OSMR: variants seen among roughly 807,000 people sequenced by gnomAD.
OSMR encodes the protein oncostatin-M-specific receptor subunit beta.
Under a neutral mutation model 99.9 loss-of-function variants are expected in OSMR, and 81 were observed. The observed-to-expected ratio is 0.81, with a 90% CI of 0.68 to 0.97. OSMR has a LOEUF of 0.97. OSMR is among the 50% of genes least tolerant of loss of function. The probability of loss-of-function intolerance (pLI) is 0.00; values close to 1 mark genes in which losing one functional copy is unlikely to be tolerated. For synonymous variants in OSMR, 406 were observed against 410.4 expected, an observed-to-expected ratio of 0.99 and a Z score of 0.13; for missense variants, 1,099 against 1,153.4, an observed-to-expected ratio of 0.95 and a Z score of 0.68.
At chr5:38,886,334 C>A in intron 7 of OSMR, 144 bp downstream of exon 7, 1 of 1,497,896 alleles carries the variant, frequency 6.7e-7, no homozygotes, top group Non-Finnish European at 8.9e-7. Context: ...GTTCATGCCA[C>A]GTTTCTCCTC....
chr5:38,866,584 A>G (rs970262229), intron 1 of OSMR, among the ~76,000 whole-genome samples: 1 of 152,174 alleles, frequency 6.6e-6, no homozygotes, highest in Non-Finnish European at 1.5e-5. Flanking sequence ...CAGCATTACA[A>G]CACCACAGCC....
chr5:38,865,499 T>C (rs921169716), intron 1 of OSMR, among the ~76,000 whole-genome samples: 2 of 152,256 alleles, frequency 1.3e-5, no homozygotes, highest in Non-Finnish European at 2.9e-5. Flanking sequence ...ATGATATATT[T>C]GGCTGTAATC....
intron 8 of OSMR, 50 bp downstream of exon 8, chr5:38,904,074 G>A (rs1249717553): frequency 1.2e-6 from 2 of 1,605,762 alleles, no homozygotes; most frequent in Non-Finnish European, 1.7e-6. Flanking sequence ...TTTTTGTCCT[G>A]AACAGAGACA....
chr5:38,900,897 A>G (rs1744847247), intron 7 of OSMR, among the ~76,000 whole-genome samples: 1 of 152,012 alleles, frequency 6.6e-6, no homozygotes, highest in Non-Finnish European at 1.5e-5. Flanking sequence ...CATTTTCAGG[A>G]TTTTGTTTTT....
At chr5:38,892,361 G>A (rs1438757295) in intron 7 of OSMR, among the ~76,000 whole-genome samples, 1 of 152,052 alleles carries the variant, frequency 6.6e-6, no homozygotes, top group Non-Finnish European at 1.5e-5. Flanking sequence ...TAGTTTGGCT[G>A]GAGACCTGGT....
chr5:38,945,455 A>G (rs1276885315), downstream of OSMR: 2 of 1,389,598 alleles, frequency 1.4e-6, no homozygotes, highest in Non-Finnish European at 2.0e-6. Context: ...TTTAGTCATC[A>G]CTAGGTTTTT....
chr5:38,876,402 A>G, intron 3 of OSMR, 29 bp downstream of exon 3: 1 of 1,589,588 alleles, frequency 6.3e-7, no homozygotes, highest in Middle Eastern at 1.7e-4. Flanking sequence ...TCAATATTTA[A>G]AAAATCATCT....
intron 2 of OSMR, among the ~76,000 whole-genome samples, chr5:38,873,751 C>CT (rs1251302153): frequency 1.3e-5 from 2 of 152,166 alleles, no homozygotes; most frequent in African/African-American, 4.8e-5. Context: ...TATTGAACAT[C>CT]TTTTCATGTG....
chr5:38,862,983 G>A (rs541820047), intron 1 of OSMR, among the ~76,000 whole-genome samples: 10 of 152,036 alleles, frequency 6.6e-5, no homozygotes, highest in Non-Finnish European at 1.0e-4. Context: ...CCAACACAGC[G>A]AAACCCTGTC....
rs1210934799 is a variant in OSMR at position 38,869,210 on chromosome 5, C to A, written c.73+93C>A. 4 of 960,878 alleles carry A rather than the reference C, an allele frequency of 4.2e-6. No individual in the cohort carries two copies. The African/African-American group carries it at 6.4e-5, about 15-fold the overall frequency. The allele number at this position is 960,878 out of a possible 1,614,324, so 59.5% of individuals were successfully genotyped here. A position where few individuals can be genotyped will look rare whatever the true frequency, so the allele number is the denominator to read the frequency against. On this transcript the variant is annotated intron_variant, in intron 2 of 17. Coordinates refer to ENST00000274276, the MANE Select transcript of OSMR (RefSeq NM_003999.3). ...GGAAAAAGTTAAACAGTTCTTTTTT[C>A]TTTGGGAATTACTTAAAATTCCTGA...
intron 9 of OSMR, among the ~76,000 whole-genome samples, chr5:38,915,292 A>G (rs1324612352): frequency 6.6e-6 from 1 of 152,228 alleles, no homozygotes; most frequent in East Asian, 1.9e-4. Context: ...CAGCACTGGG[A>G]TATGTATTTT....
At chr5:38,857,588 GTAAT>G (rs1042884052) in intron 1 of OSMR, among the ~76,000 whole-genome samples, 3 of 152,130 alleles carry the variant, frequency 2.0e-5, no homozygotes, top group African/African-American at 7.2e-5. Context: ...ACTGATCAAA[GTAAT>G]TAGCATATTC....
rs1010972 is a variant in OSMR, at chr5:38,919,936, A to G, written c.1585+874A>G. 7.2e-3 allele frequency among the ~76,000 whole-genome samples: 1,096 copies of G among 152,342 alleles called. 16 individuals are homozygous for G. The highest frequency in any genetic ancestry group is 0.025 in the African/African-American group (1,046 of 41,576). On this transcript the variant is annotated intron_variant, in intron 11 of 17. Coordinates refer to ENST00000274276, the MANE Select transcript of OSMR (RefSeq NM_003999.3). ...AGGAAAAGAAACTATATTGTGCCAT[A>G]GAAGAAAAACCAACCTAAGTTGGTT...
At chr5:38,892,194 C>T (rs1461836863) in intron 7 of OSMR, among the ~76,000 whole-genome samples, 3 of 152,174 alleles carry the variant, frequency 2.0e-5, no homozygotes, top group Non-Finnish European at 4.4e-5. Flanking sequence ...AGAAATCCTG[C>T]CCTCCCTGGT....
At chr5:38,859,708 T>C (rs1741125220) in intron 1 of OSMR, among the ~76,000 whole-genome samples, 1 of 151,320 alleles carries the variant, frequency 6.6e-6, no homozygotes, top group Non-Finnish European at 1.5e-5. Context: ...ATTTTAACAA[T>C]ATTATTTCTT....
intron 1 of OSMR, among the ~76,000 whole-genome samples, chr5:38,857,017 A>G (rs1238918648): frequency 6.6e-6 from 1 of 152,100 alleles, no homozygotes; most frequent in Non-Finnish European, 1.5e-5. Context: ...TTTTGTAAAT[A>G]CTCATGTCTT....
In OSMR at chr5:38,881,699, T is replaced by G. The variant is rs763683909; in HGVS notation, c.353T>G (p.Val118Gly). 1.2e-6 allele frequency: 2 copies of G among 1,614,204 alleles called. No individual in the cohort carries two copies. The highest frequency in any genetic ancestry group is 4.5e-5 in the East Asian group (2 of 44,886). The part of the protein sequence containing the change: ...ATHFVRIKSL[V>G]DDAKFPEPNF... ...CACTTTGTAAGAATAAAGAGTTTGG[T>G]GGACGATGCCAAGTTCCCTGAGCCA... is the stretch of plus-strand genomic sequence containing the variant. Residue 118 changes from valine (V) to glycine (G), a missense_variant, in exon 4 of 18, where the codon GTG becomes GGG. Coordinates refer to ENST00000274276, the MANE Select transcript of OSMR (RefSeq NM_003999.3).
At chr5:38,872,707 C>T (rs1343547961) in intron 2 of OSMR, among the ~76,000 whole-genome samples, 2 of 152,184 alleles carry the variant, frequency 1.3e-5, no homozygotes, top group Non-Finnish European at 2.9e-5. Flanking sequence ...CACTCAACCT[C>T]ATCTTCCAGA....
intron 7 of OSMR, among the ~76,000 whole-genome samples, chr5:38,899,462 C>T (rs1744752088): frequency 6.6e-6 from 1 of 152,128 alleles, no homozygotes; most frequent in Non-Finnish European, 1.5e-5. Context: ...GACAAAATCC[C>T]CTTTACTTTT....
Sources: allele counts gnomAD v4.1 joint callset (sites outside exome capture counted in the v4.1 genomes callset), GRCh38; gene constraint gnomAD v4.1.1; transcripts MANE v1.5; gene names NCBI Gene and HGNC (gene_info 2026-07-23, HGNC 2026-07-21).